The following PPFIBP2 variants were observed in gnomAD, a reference collection of about 807,000 sequenced individuals.
PPFIBP2 encodes the protein liprin-beta-2.
Under a neutral mutation model 118.3 loss-of-function variants are expected in PPFIBP2, and 118 were observed. The ratio of observed to expected loss-of-function variants is 1.00; its 90% CI spans 0.86 to 1.16. PPFIBP2 has a LOEUF of 1.16. Ranked by LOEUF, PPFIBP2 falls within the 50% of genes most tolerant of loss-of-function variation. PPFIBP2 has a pLI of 0.00. For missense variants in PPFIBP2, 1,195 were observed against 1,073.1 expected (o/e 1.11, Z -1.59); for synonymous variants, 414 against 397.4 (o/e 1.04, Z -0.50).
rs760218763 is a variant in PPFIBP2, at chr11:7,565,806, A to G, written c.279+39A>G. The G allele has an allele frequency of 8.1e-6, 13 of 1,602,932 alleles. No homozygotes were observed. In the East Asian group the frequency reaches 2.9e-4, roughly 36 times the overall value. On this transcript the variant is annotated intron_variant, in intron 3 of 23. Transcript: ENST00000299492. ...TGGCCTGATTGGGAACCACTGGGGA[A>G]TGTAATGGTGCAGCCCATGGAGTGC...
intron 3 of PPFIBP2, among the ~76,000 whole-genome samples, chr11:7,573,342 C>T (rs1013958210): frequency 2.0e-5 from 3 of 152,216 alleles, no homozygotes; most frequent in African/African-American, 7.2e-5. Context: ...TTACACTCAT[C>T]AGCTAAGAAT....
downstream of PPFIBP2, chr11:7,655,484 A>G (rs1344197376): frequency 7.8e-7 from 1 of 1,289,630 alleles, no homozygotes; most frequent in Non-Finnish European, 1.0e-6. Flanking sequence ...CTCCCAAGAC[A>G]TTCACCGCCT....
intron 3 of PPFIBP2, among the ~76,000 whole-genome samples, chr11:7,587,729 A>G (rs1323658335): frequency 6.6e-6 from 1 of 152,250 alleles, no homozygotes; most frequent in East Asian, 1.9e-4. Context: ...TGGCACCACC[A>G]CTACCATGCT....
At chr11:7,540,577 A>T (rs546873053) in intron 1 of PPFIBP2, among the ~76,000 whole-genome samples, 1 of 151,954 alleles carries the variant, frequency 6.6e-6, no homozygotes, top group African/African-American at 2.4e-5. Flanking sequence ...ACATGCTGCA[A>T]CCTCACTCCA....
rs529305014 is a variant in PPFIBP2, at chr11:7,560,750, A to G, written c.65-4803A>G. ...AAAGATTAGGCCAGTCTTTGTGTCT[A>G]TTAACAGTGTATGAGGGTACCCTTA... On this transcript the variant is annotated intron_variant, in intron 2 of 23. Transcript: ENST00000299492. Among the ~76,000 whole-genome samples the G allele has an allele frequency of 4.6e-5, 7 of 152,320 alleles. No individual in the cohort carries two copies. The South Asian group carries it at 1.2e-3, about 27-fold the overall frequency.
At chr11:7,665,664 T>G in the PPFIBP2 span, 2 of 1,245,804 alleles carry the variant, frequency 1.6e-6, no homozygotes, top group African/African-American at 1.5e-5. Flanking sequence ...CTACAAAGGC[T>G]TAGAAGTCTG....
At chr11:7,623,359 C>G (rs1181050116) in intron 7 of PPFIBP2, among the ~76,000 whole-genome samples, 2 of 152,196 alleles carry the variant, frequency 1.3e-5, no homozygotes, top group African/African-American at 4.8e-5. Context: ...AGACCTTGTG[C>G]CACACAGCCC....
chr11:7,656,245 T>A (rs1206059604), downstream of PPFIBP2, among the ~76,000 whole-genome samples: 7 of 152,214 alleles, frequency 4.6e-5, no homozygotes, highest in African/African-American at 1.4e-4. Context: ...TTCTTGGACA[T>A]TCCATCACTG....
intron 3 of PPFIBP2, among the ~76,000 whole-genome samples, chr11:7,590,567 C>G (rs936037207): frequency 6.6e-6 from 1 of 152,196 alleles, no homozygotes; most frequent in African/African-American, 2.4e-5. Context: ...TCTAGGTCCT[C>G]TAACAGTGCT....
At chr11:7,613,451 CAGATG>C (rs1390502854) in intron 6 of PPFIBP2, among the ~76,000 whole-genome samples, 5 of 152,168 alleles carry the variant, frequency 3.3e-5, no homozygotes. Flanking sequence ...AGTAGTGGCC[CAGATG>C]AGATGTGGGT....
downstream of PPFIBP2, chr11:7,656,668 C>A (rs113621234): frequency 4.8e-6 from 6 of 1,250,202 alleles, no homozygotes; most frequent in African/African-American, 9.2e-5. Context: ...GTGCAGCTGC[C>A]GCAGGGCAGC....
chr11:7,564,573 A>G (rs940540621), intron 2 of PPFIBP2, among the ~76,000 whole-genome samples: 3 of 152,250 alleles, frequency 2.0e-5, no homozygotes, highest in African/African-American at 4.8e-5. Flanking sequence ...GGATAAGCCA[A>G]CCCAAACATA....
At chr11:7,569,908 A>G (rs1855462377) in intron 3 of PPFIBP2, among the ~76,000 whole-genome samples, 1 of 152,074 alleles carries the variant, frequency 6.6e-6, no homozygotes, top group Non-Finnish European at 1.5e-5. Context: ...GGGTGTGGTT[A>G]TTTCAGTTCA....
chr11:7,534,175 G>T (rs1850995157), intron 1 of PPFIBP2, among the ~76,000 whole-genome samples: 1 of 152,218 alleles, frequency 6.6e-6, no homozygotes, highest in Non-Finnish European at 1.5e-5. Flanking sequence ...TCAAATCTCA[G>T]TTCTGCTGGA....
chr11:7,549,326 A>G (rs936865173), intron 1 of PPFIBP2, 114 bp from the exon 2 acceptor site: 5 of 948,340 alleles, frequency 5.3e-6, no homozygotes, highest in Non-Finnish European at 8.1e-6. Flanking sequence ...GTCGGCTACT[A>G]TGATTCTTAT....
At chr11:7,640,044 G>A (rs981294011) in intron 15 of PPFIBP2, among the ~76,000 whole-genome samples, 174 bp downstream of exon 15, 1 of 152,166 alleles carries the variant, frequency 6.6e-6, no homozygotes, top group East Asian at 1.9e-4. Context: ...CTCCCCCTGG[G>A]CGAGCTGTTT....
chr11:7,585,010 A>G lies in PPFIBP2; in HGVS notation c.280-8122A>G, dbSNP rs956861506. The stretch of plus-strand genomic sequence containing the variant: ...ATACATGTCATCTAAATGGCTAAAT[A>G]AGGAAGAACCATTTTAAGGCTTATC... On this transcript the variant is annotated intron_variant, in intron 3 of 23. Coordinates refer to ENST00000299492, the MANE Select transcript of PPFIBP2 (RefSeq NM_003621.5). 2.0e-5 allele frequency among the ~76,000 whole-genome samples: 3 copies of G among 152,336 alleles called. No individual in the cohort carries two copies. The East Asian group carries it at 5.8e-4, about 29-fold the overall frequency.
chr11:7,556,503 C>T (rs1170978983), intron 2 of PPFIBP2, among the ~76,000 whole-genome samples: 1 of 152,146 alleles, frequency 6.6e-6, no homozygotes, highest in African/African-American at 2.4e-5. Context: ...TCATCACTGC[C>T]CCATCTTCCA....
At chr11:7,594,588 C>T (rs1859925529) in intron 4 of PPFIBP2, among the ~76,000 whole-genome samples, 1 of 151,342 alleles carries the variant, frequency 6.6e-6, no homozygotes, top group Non-Finnish European at 1.5e-5. Context: ...TGGAGACCAG[C>T]TTGACCAGCA....
Sources: allele counts gnomAD v4.1 joint callset (sites outside exome capture counted in the v4.1 genomes callset), GRCh38; gene constraint gnomAD v4.1.1; transcripts MANE v1.5; gene names NCBI Gene and HGNC (gene_info 2026-07-23, HGNC 2026-07-21).